Variants in PDZRN3 observed in about 807,000 individuals in gnomAD.
PDZRN3 encodes the protein E3 ubiquitin-protein ligase PDZRN3.
PDZRN3 carries 38 observed loss-of-function variants against 85.7 expected under a neutral mutation model. The observed-to-expected ratio is 0.44, with a 90% confidence interval of 0.34 to 0.58. The LOEUF (loss-of-function observed/expected upper bound fraction) is 0.58, where lower values mean the gene tolerates loss of function less well. PDZRN3 is among the 20% of genes least tolerant of loss of function. PDZRN3 has a pLI of 0.01. For missense variants in PDZRN3, 1,629 were observed against 1,506.4 expected (o/e 1.08, Z -1.35); for synonymous variants, 759 against 638.0 (o/e 1.19, Z -2.86).
At chr3:73,534,327 C>T (rs7649134) in intron 3 of PDZRN3, among the ~76,000 whole-genome samples, 48,390 of 152,028 alleles carry the variant, frequency 0.32, 7,938 homozygotes, top group African/African-American at 0.35. Flanking sequence ...TCTGAAGCTA[C>T]GCTAATTCCA....
Position 73,624,115 on chromosome 3 carries a change from C to G in PDZRN3, c.711G>C (p.Pro237=). 1 of 1,462,502 alleles carries G rather than the reference C, an allele frequency of 6.8e-7. No homozygotes were observed. The highest frequency in any genetic ancestry group is 9.0e-7 in the Non-Finnish European group (1 of 1,115,404). The allele number at this position is 1,462,502 out of a possible 1,614,324, so 90.6% of individuals were successfully genotyped here. Residue 237 remains proline (P), a synonymous_variant, in exon 1 of 10, where the codon CCG becomes CCC. Coordinates refer to ENST00000263666, the MANE Select transcript of PDZRN3 (RefSeq NM_015009.3). ...AGCAGGCGCCTACCTTGCCGCCGGGCGGCGCGGCCACGCAGCGGCTGAGCG... is the reference window on the plus strand; with the variant it reads ...AGCAGGCGCCTACCTTGCCGCCGGGGGGCGCGGCCACGCAGCGGCTGAGCG... ...LDSLSRCVAA[P]PGGKGEETKS...
chr3:73,432,371 G>A (rs1702449525), intron 3 of PDZRN3, among the ~76,000 whole-genome samples: 1 of 152,222 alleles, frequency 6.6e-6, no homozygotes. Flanking sequence ...TGAGTGTGAA[G>A]TCACAGGTCG....
intron 3 of PDZRN3, among the ~76,000 whole-genome samples, chr3:73,431,866 G>T (rs969715936): frequency 2.0e-5 from 3 of 152,058 alleles, no homozygotes; most frequent in African/African-American, 7.2e-5. Context: ...GTGTGTTTGG[G>T]GGTGGGGCTG....
chr3:73,605,606 T>G (rs1297636153), intron 2 of PDZRN3, among the ~76,000 whole-genome samples: 1 of 152,186 alleles, frequency 6.6e-6, no homozygotes, highest in African/African-American at 2.4e-5. Context: ...AGGAATTCCT[T>G]GGGAAACACA....
Position 73,383,742 on chromosome 3 carries a change from G to A in PDZRN3, c.2824C>T (p.Leu942=). ...YITKRPVRDR[L]LRERALKIRE... Reference sequence around the variant, plus strand: ...ATCTTCAGGGCGCGCTCCCGCAGCAGGCGGTCCCGCACGGGCCTCTTGGTG... The same window carrying A: ...ATCTTCAGGGCGCGCTCCCGCAGCAAGCGGTCCCGCACGGGCCTCTTGGTG... The change falls in exon 10 of 10, where the codon CTG becomes TTG. Residue 942 remains leucine (L), a synonymous_variant. Transcript: ENST00000263666. The A allele has an allele frequency of 6.2e-7, 1 of 1,612,244 alleles. No individual in the cohort carries two copies. Among genetic ancestry groups the A allele is most frequent in the East Asian group, 2.2e-5 (1 of 44,870 alleles).
chr3:73,559,565 C>A (rs1202223359), intron 3 of PDZRN3, among the ~76,000 whole-genome samples: 1 of 152,164 alleles, frequency 6.6e-6, no homozygotes, highest in Non-Finnish European at 1.5e-5. Context: ...GGGTTTCAGG[C>A]CTTGGAGCCT....
intron 3 of PDZRN3, chr3:73,569,003 G>A: frequency 2.5e-6 from 1 of 401,280 alleles, no homozygotes; most frequent in Non-Finnish European, 4.9e-6. Context: ...TATCTCTCAG[G>A]AGGTAGGTAT....
chr3:73,494,625 T>C (rs941826819), intron 3 of PDZRN3, among the ~76,000 whole-genome samples: 1 of 152,260 alleles, frequency 6.6e-6, no homozygotes, highest in Non-Finnish European at 1.5e-5. Context: ...ATTGTTTTTA[T>C]TGAAATAGAA....
Position 73,384,220 on chromosome 3 carries a change from C to T in PDZRN3, c.2346G>A (p.Ala782=), listed in dbSNP as rs201862629. Residue 782 remains alanine, a synonymous_variant, in exon 10 of 10, where the codon GCG becomes GCA. Transcript: ENST00000263666. ...TGCTCGGGCAGCTGATGCCCTCCGC[C>T]GCTCTCCTCAAGGAGTTGTCGGGGG... The part of the protein sequence containing the change: ...EISPDNSLRR[A]AEGISCPSSE... 35 of 1,613,688 alleles carry T rather than the reference C, an allele frequency of 2.2e-5. No individual in the cohort carries two copies. The highest frequency in any genetic ancestry group is 1.6e-4 in the Middle Eastern group (1 of 6,084).
Position 73,551,145 on chromosome 3 carries a change from A to T in PDZRN3, c.918+51209T>A, listed in dbSNP as rs564072881. On this transcript the variant is annotated intron_variant, in intron 3 of 9. Coordinates refer to ENST00000263666, the MANE Select transcript of PDZRN3 (RefSeq NM_015009.3). ...CAGGGCCAAAGGTGTAATATTGCCAATTTTTAATTTAGGTTTAATTTTGTC... is the reference window on the plus strand; with the variant it reads ...CAGGGCCAAAGGTGTAATATTGCCATTTTTTAATTTAGGTTTAATTTTGTC... Among the ~76,000 whole-genome samples the T allele has an allele frequency of 6.4e-4, 98 of 152,314 alleles. 1 individual carries two copies. Among genetic ancestry groups the T allele is most frequent in the African/African-American group, 2.2e-3 (93 of 41,572 alleles).
Position 73,555,075 on chromosome 3 carries a change from G to A in PDZRN3, c.918+47279C>T, listed in dbSNP as rs565426007. Reference sequence around the variant, plus strand: ...GGGGATAGAAAAATTAAACATGTCCGTTTTTGCTTTTCAGAGGCAATTAGG... The same window carrying A: ...GGGGATAGAAAAATTAAACATGTCCATTTTTGCTTTTCAGAGGCAATTAGG... On this transcript the variant is annotated intron_variant, in intron 3 of 9. Coordinates refer to ENST00000263666, the MANE Select transcript of PDZRN3 (RefSeq NM_015009.3). 6.6e-5 allele frequency among the ~76,000 whole-genome samples: 10 copies of A among 152,206 alleles called. No homozygotes were observed. In the South Asian group the frequency reaches 1.7e-3, roughly 25 times the overall value.
chr3:73,507,862 G>C (rs990800804), intron 3 of PDZRN3, among the ~76,000 whole-genome samples: 1 of 152,158 alleles, frequency 6.6e-6, no homozygotes, highest in African/African-American at 2.4e-5. Flanking sequence ...GGGAGGACGA[G>C]GTGGGCGATC....
At chr3:73,422,923 T>TACC (rs1191032827) in intron 3 of PDZRN3, among the ~76,000 whole-genome samples, 1 of 151,900 alleles carries the variant, frequency 6.6e-6, no homozygotes, top group African/African-American at 2.4e-5. Context: ...AAGGAGAAAA[T>TACC]ACCAAGCAAA....
At chr3:73,516,183 G>C (rs534860232) in intron 3 of PDZRN3, among the ~76,000 whole-genome samples, 2 of 152,062 alleles carry the variant, frequency 1.3e-5, no homozygotes, top group East Asian at 3.9e-4. Flanking sequence ...TAGCATTCTT[G>C]TGTGCATGTA....
intron 3 of PDZRN3, among the ~76,000 whole-genome samples, chr3:73,449,155 A>G (rs994882840): frequency 6.6e-6 from 1 of 152,168 alleles, no homozygotes; most frequent in Non-Finnish European, 1.5e-5. Context: ...ATGTAATCCA[A>G]CTTGTCAAAA....
At chr3:73,439,716 G>A (rs1370641722) in intron 3 of PDZRN3, among the ~76,000 whole-genome samples, 1 of 151,528 alleles carries the variant, frequency 6.6e-6, no homozygotes, top group Non-Finnish European at 1.5e-5. Flanking sequence ...CAGAACATCT[G>A]CTTAGGCCCT....
rs560009760 is a variant in PDZRN3 at position 73,383,879 on chromosome 3, G to C, written c.2687C>G (p.Ala896Gly). Residue 896 changes from alanine (A) to glycine (G), a missense_variant, in exon 10 of 10, where the codon GCG (alanine) becomes GGG (glycine). Physicochemically the swap from Ala to Gly is moderately conservative, Grantham distance 60. Coordinates refer to ENST00000263666, the MANE Select transcript of PDZRN3 (RefSeq NM_015009.3). Reference sequence around the variant, plus strand: ...GCTCACCAGGCTCATCTGGCTTTGCGCGTACTCCACGGCCGACTTCTGCTG... The same window carrying C: ...GCTCACCAGGCTCATCTGGCTTTGCCCGTACTCCACGGCCGACTTCTGCTG... ...LIQQKSAVEYAQSQMSLVSMC... is the reference protein window; with the variant it reads ...LIQQKSAVEYGQSQMSLVSMC... 6.2e-7 allele frequency: 1 copy of C among 1,613,416 alleles called. No homozygotes were observed. Among genetic ancestry groups the C allele is most frequent in the Non-Finnish European group, 8.5e-7 (1 of 1,179,748 alleles).
At chr3:73,526,435 T>C (rs1704525895) in intron 3 of PDZRN3, among the ~76,000 whole-genome samples, 1 of 152,210 alleles carries the variant, frequency 6.6e-6, no homozygotes, top group South Asian at 2.1e-4. Context: ...GCCCCAGCCT[T>C]GCCAGCACCT....
At chr3:73,493,415 C>T (rs1212336554) in intron 3 of PDZRN3, among the ~76,000 whole-genome samples, 1 of 152,182 alleles carries the variant, frequency 6.6e-6, no homozygotes, top group East Asian at 1.9e-4. Context: ...CATTAAGTAT[C>T]ACCTCAGAAG....
Sources: allele counts gnomAD v4.1 joint callset (sites outside exome capture counted in the v4.1 genomes callset), GRCh38; gene constraint gnomAD v4.1.1; transcripts MANE v1.5; gene names NCBI Gene and HGNC (gene_info 2026-07-23, HGNC 2026-07-21).